The following UBE2E2 variants were observed in gnomAD, a reference collection of about 807,000 sequenced individuals.
UBE2E2 encodes the protein ubiquitin conjugating enzyme E2 E2, also known as ubiquitin-conjugating enzyme E2 E2.
Under a neutral mutation model 24.7 loss-of-function variants are expected in UBE2E2, and 6 were observed. That is an observed-to-expected ratio of 0.24 (90% CI 0.13 to 0.48). The LOEUF (loss-of-function observed/expected upper bound fraction) is 0.48. Ranked by LOEUF, UBE2E2 falls within the 20% of genes least tolerant of loss-of-function variation. The pLI, the probability that UBE2E2 is intolerant of heterozygous loss-of-function variation, is 0.99. For synonymous variants in UBE2E2, 104 were observed against 83.6 expected (o/e 1.24, Z -1.33); for missense variants, 169 against 245.0 (o/e 0.69, Z 2.07).
rs183428734 is a variant in UBE2E2 at position 23,348,906 on chromosome 3, A to T, written c.227+131594A>T. 5.8e-4 allele frequency among the ~76,000 whole-genome samples: 88 copies of T among 152,296 alleles called. 1 individual carries two copies. Among genetic ancestry groups the T allele is most frequent in the African/African-American group, 2.0e-3 (84 of 41,558 alleles). ...GTAATGAATAAAGGATGAAGGACAA[A>T]GCCAAAGGGCAGTTTTTATAGGGTT... On this transcript the variant is annotated intron_variant, in intron 3 of 5. Transcript: ENST00000396703.
chr3:23,273,357 C>G (rs968950753), intron 3 of UBE2E2, among the ~76,000 whole-genome samples: 1 of 151,952 alleles, frequency 6.6e-6, no homozygotes, highest in Admixed American at 6.6e-5. Flanking sequence ...GAAACCCCGT[C>G]TCTACTAAAA....
intron 5 of UBE2E2, among the ~76,000 whole-genome samples, chr3:23,541,702 C>T (rs1033409697): frequency 7.2e-5 from 11 of 152,312 alleles, no homozygotes; most frequent in Non-Finnish European, 1.0e-4. Context: ...TCCCCACCAC[C>T]GCCCCAATTC....
At chr3:23,226,187 T>G (rs1397839177) in intron 3 of UBE2E2, among the ~76,000 whole-genome samples, 1 of 147,472 alleles carries the variant, frequency 6.8e-6, no homozygotes, top group African/African-American at 2.5e-5. Context: ...CCGAAAAGTG[T>G]ATTTTCCACA....
At chr3:23,368,697 G>A (rs1313892647) in intron 3 of UBE2E2, among the ~76,000 whole-genome samples, 2 of 151,838 alleles carry the variant, frequency 1.3e-5, no homozygotes, top group Non-Finnish European at 2.9e-5. Flanking sequence ...TTTGTTGAGA[G>A]GTATTTCACA....
intron 5 of UBE2E2, among the ~76,000 whole-genome samples, chr3:23,538,342 T>A (rs543360257): frequency 3.1e-4 from 47 of 152,300 alleles, no homozygotes; most frequent in Non-Finnish European, 5.6e-4. Flanking sequence ...CAAATATGGA[T>A]GTGGAGAGAC....
chr3:23,579,239 G>A (rs1001895759), intron 5 of UBE2E2, among the ~76,000 whole-genome samples: 1 of 152,090 alleles, frequency 6.6e-6, no homozygotes, highest in Admixed American at 6.5e-5. Context: ...CAAAAAATTA[G>A]CCAGGCATGA....
chr3:23,382,178 A>ATT (rs10645761), intron 3 of UBE2E2, among the ~76,000 whole-genome samples: 8,337 of 110,742 alleles, frequency 0.075, 692 homozygotes, highest in Middle Eastern at 0.096. Flanking sequence ...GAATACTTTA[A>ATT]TTTTTTTTTT....
At chr3:23,428,928 TAAA>T (rs34525850) in intron 3 of UBE2E2, among the ~76,000 whole-genome samples, 7 of 75,894 alleles carry the variant, frequency 9.2e-5, no homozygotes, top group Middle Eastern at 8.8e-3. Context: ...CTCTGTCTCT[TAAA>T]AAAAAAAAAA....
intron 3 of UBE2E2, among the ~76,000 whole-genome samples, chr3:23,350,483 T>G (rs575266905): frequency 6.6e-6 from 1 of 152,108 alleles, no homozygotes; most frequent in Non-Finnish European, 1.5e-5. Context: ...AGTAAAAAAC[T>G]TTGAAAAAAA....
intron 3 of UBE2E2, among the ~76,000 whole-genome samples, chr3:23,259,415 T>A (rs1697835639): frequency 6.6e-6 from 1 of 152,170 alleles, no homozygotes; most frequent in Admixed American, 6.5e-5. Context: ...TGCTACTGAA[T>A]TTTTTTCTTA....
chr3:23,333,262 T>A (rs1329628811), intron 3 of UBE2E2, among the ~76,000 whole-genome samples: 1 of 152,198 alleles, frequency 6.6e-6, no homozygotes, highest in Non-Finnish European at 1.5e-5. Context: ...TTTAAATGTT[T>A]CTTAAATTTC....
chr3:23,581,625 C>T (rs748615766), intron 5 of UBE2E2, among the ~76,000 whole-genome samples: 3 of 152,176 alleles, frequency 2.0e-5, no homozygotes, highest in Non-Finnish European at 4.4e-5. Context: ...GACCTGACTC[C>T]GTGGTGGAAC....
intron 3 of UBE2E2, among the ~76,000 whole-genome samples, chr3:23,354,076 A>C (rs1212089484): frequency 1.3e-5 from 2 of 152,208 alleles, no homozygotes; most frequent in Non-Finnish European, 2.9e-5. Flanking sequence ...CCTCAGAAAT[A>C]ACGCCACATA....
rs530913618 is a variant in UBE2E2, at chr3:23,543,416, A to G, written c.508+10715A>G. ...TCAGTAGCATTGCTGTATATCAGCAACAGCCAAGCTGAGAATCAAATCATG... is the reference window on the plus strand; with the variant it reads ...TCAGTAGCATTGCTGTATATCAGCAGCAGCCAAGCTGAGAATCAAATCATG... On this transcript the variant is annotated intron_variant, in intron 5 of 5. Transcript: ENST00000396703. Among the ~76,000 whole-genome samples, 12 of 152,264 alleles carry G rather than the reference A, an allele frequency of 7.9e-5. No individual in the cohort carries two copies. In the East Asian group the frequency reaches 2.1e-3, roughly 27 times the overall value.
chr3:23,229,069 C>T (rs895457717), intron 3 of UBE2E2, among the ~76,000 whole-genome samples: 6 of 152,290 alleles, frequency 3.9e-5, no homozygotes, highest in South Asian at 4.1e-4. Context: ...CTCTTTTACC[C>T]GTTTCACCCA....
chr3:23,294,621 T>C (rs1027123686), intron 3 of UBE2E2, among the ~76,000 whole-genome samples: 8 of 147,934 alleles, frequency 5.4e-5, no homozygotes, highest in African/African-American at 2.0e-4. Flanking sequence ...TTAGATATTT[T>C]ATTAGATATT....
intron 4 of UBE2E2, among the ~76,000 whole-genome samples, chr3:23,501,025 ATCTTCTCCCTT>A (rs2125456759): frequency 6.6e-6 from 1 of 152,128 alleles, no homozygotes; most frequent in African/African-American, 2.4e-5. Context: ...TCTAATACTT[ATCTTCTCCCTT>A]TACTGGATGG....
At chr3:23,538,882 A>G (rs966198237) in intron 5 of UBE2E2, among the ~76,000 whole-genome samples, 9 of 152,218 alleles carry the variant, frequency 5.9e-5, no homozygotes. Flanking sequence ...TCAATTCTGT[A>G]AAAATAAACC....
chr3:23,353,811 C>T (rs900815372), intron 3 of UBE2E2, among the ~76,000 whole-genome samples: 1 of 137,736 alleles, frequency 7.3e-6, no homozygotes, highest in African/African-American at 2.8e-5. Flanking sequence ...GCCATACTGT[C>T]CAAGGTAATT....
Sources: gnomAD v4.1 joint callset for allele counts (sites outside exome capture counted in the v4.1 genomes callset) on GRCh38, gnomAD v4.1.1 for gene constraint, MANE v1.5 for transcripts, NCBI Gene and HGNC (gene_info 2026-07-23, HGNC 2026-07-21) for gene names.